Variants in CYP4F8 observed in about 807,000 individuals in gnomAD.
The protein encoded by CYP4F8 is cytochrome P450 family 4 subfamily F member 8, also known as cytochrome P450 4F8.
In CYP4F8, 56 loss-of-function variants were observed where a neutral mutation model predicts 55.0. The ratio of observed to expected loss-of-function variants is 1.02; its 90% confidence interval spans 0.82 to 1.27. CYP4F8 has a LOEUF of 1.27. Ranked by LOEUF, CYP4F8 falls within the 50% of genes most tolerant of loss-of-function variation. The pLI is 0.00. For missense variants in CYP4F8, 680 were observed against 682.4 expected (o/e 1.00, Z 0.04); for synonymous variants, 288 against 267.3 (o/e 1.08, Z -0.76).
Position 15,623,122 on chromosome 19 carries a change from T to C in CYP4F8, c.665T>C (p.Ile222Thr). ...CCCTGCAGGAAGCCCAGTGAATATA[T>C]TACTGCGATCATGGAGCTCAGTGCC... ...SNCQEKPSEY[I>T]TAIMELSALV... Residue 222 changes from isoleucine to threonine, a missense_variant, in exon 7 of 13, where the codon ATT becomes ACT. Physicochemically the swap from Ile to Thr is moderately conservative, Grantham distance 89 (BLOSUM62 -1). Coordinates refer to ENST00000612078, the MANE Select transcript of CYP4F8 (RefSeq NM_007253.4). 6.2e-7 allele frequency: 1 copy of C among 1,614,030 alleles called. No homozygotes were observed. The highest frequency in any genetic ancestry group is 8.5e-7 in the Non-Finnish European group (1 of 1,179,970).
intron 3 of CYP4F8, chr19:15,619,126 A>G (rs1972160689): frequency 4.7e-6 from 1 of 211,960 alleles, no homozygotes. Context: ...GCACAACTGG[A>G]TCCAGGTCTC....
intron 6 of CYP4F8, 90 bp downstream of exon 6, chr19:15,622,430 C>T (rs1568383446): frequency 4.5e-6 from 7 of 1,543,992 alleles, no homozygotes; most frequent in African/African-American, 1.4e-5. Context: ...GAAGAGCCTT[C>T]CTGGAGAGAT....
At position 15,619,766 on chromosome 19, in the gene CYP4F8, A is replaced by C. The variant is rs768755459; in HGVS notation, c.525+4A>C. 7.4e-6 allele frequency: 12 copies of C among 1,613,854 alleles called. No homozygotes were observed. Among genetic ancestry groups the C allele is most frequent in the Non-Finnish European group, 1.0e-5 (12 of 1,179,826 alleles). On this transcript the variant is annotated splice_donor_region_variant and intron_variant, in intron 5 of 12. Coordinates refer to ENST00000612078, the MANE Select transcript of CYP4F8 (RefSeq NM_007253.4). Reference sequence around the variant, plus strand: ...CAAGAGTGCAAACATCATGCATGTGAGTGCCTTGAACTCAGCATCCCAGCT... The same window carrying C: ...CAAGAGTGCAAACATCATGCATGTGCGTGCCTTGAACTCAGCATCCCAGCT...
At chr19:15,616,189 T>C (rs1972118081) in intron 2 of CYP4F8, among the ~76,000 whole-genome samples, 1 of 144,036 alleles carries the variant, frequency 6.9e-6, no homozygotes, top group African/African-American at 2.7e-5. Context: ...CTCATTCCTC[T>C]CCTCACTCAC....
At chr19:15,619,142 A>G in intron 3 of CYP4F8, 1 of 233,568 alleles carries the variant, frequency 4.3e-6, no homozygotes, top group Admixed American at 5.1e-5. Flanking sequence ...GTCTCACCTA[A>G]TATCATCAGA....
chr19:15,618,855 G>A (rs1972156966), intron 3 of CYP4F8: 1 of 174,496 alleles, frequency 5.7e-6, no homozygotes, highest in Admixed American at 5.4e-5. Flanking sequence ...TCCAATAGGA[G>A]ACACCACCCC....
chr19:15,623,690 T>C lies in CYP4F8; in HGVS notation c.919-9T>C. On this transcript the variant is annotated splice_polypyrimidine_tract_variant and intron_variant, in intron 7 of 12. Transcript: ENST00000612078. ...CCAGAACTAGTGTGATTGGGGTTCT[T>C]GTCTCCAGGATAAAAATGGTAAAGA... The C allele has an allele frequency of 6.2e-7, 1 of 1,614,108 alleles. No individual in the cohort carries two copies. Among genetic ancestry groups the C allele is most frequent in the Non-Finnish European group, 8.5e-7 (1 of 1,179,976 alleles).
intron 3 of CYP4F8, chr19:15,618,530 G>C (rs1312878916): frequency 1.4e-5 from 5 of 358,592 alleles, no homozygotes; most frequent in Admixed American, 3.9e-5. Context: ...ACTGGGGCAG[G>C]CTGGAAGGCT....
At chr19:15,621,970 G>A (rs1308520506) in intron 5 of CYP4F8, 2 of 400,352 alleles carry the variant, frequency 5.0e-6, no homozygotes, top group Non-Finnish European at 8.9e-6. Flanking sequence ...CCTAGAGGAG[G>A]GCTGTGAGTT....
chr19:15,618,443 A>T lies in CYP4F8; in HGVS notation c.343+299A>T, dbSNP rs1299679071. On this transcript the variant is annotated intron_variant, in intron 3 of 12. Transcript: ENST00000612078. ...CTTGAAGAGATGGAGCAGTACAGAG[A>T]CATCCCCAACTTCATGGGGTTCAGA... The T allele has an allele frequency of 1.5e-5, 7 of 476,044 alleles. No individual in the cohort carries two copies. The Admixed American group carries it at 2.1e-4, about 14-fold the overall frequency. 29.5% of individuals were successfully genotyped at this position (476,044 alleles called of 1,614,324 possible).
chr19:15,618,237 C>T (rs1334677877), intron 3 of CYP4F8, 93 bp downstream of exon 3: 1 of 1,578,568 alleles, frequency 6.3e-7, no homozygotes, highest in Non-Finnish European at 8.7e-7. Context: ...TCTTGTAGTA[C>T]TCAGCCCCTT....
Position 15,619,715 on chromosome 19 carries a change from C to A in CYP4F8, c.478C>A (p.Leu160Met). The A allele has an allele frequency of 6.2e-7, 1 of 1,614,246 alleles. No homozygotes were observed. Among genetic ancestry groups the A allele is most frequent in the Non-Finnish European group, 8.5e-7 (1 of 1,180,038 alleles). Residue 160 changes from leucine (L) to methionine (M), a missense_variant, in exon 5 of 13, where the codon CTG becomes ATG. Transcript: ENST00000612078. ...GACGCCTGCCTTCCATTTCAACATCCTGAAGCCCTATATAAAGATTTTCAG... is the reference window on the plus strand; with the variant it reads ...GACGCCTGCCTTCCATTTCAACATCATGAAGCCCTATATAAAGATTTTCAG... Reference protein sequence around the residue: ...LLTPAFHFNILKPYIKIFSKS... With the variant: ...LLTPAFHFNIMKPYIKIFSKS...
Position 15,629,601 on chromosome 19 carries a change from T to G in CYP4F8, c.*243T>G. On this transcript the variant is annotated 3_prime_UTR_variant, in exon 13 of 13. Transcript: ENST00000612078. ...CAGGAGCCCCGTGCTGAGGGTGGGA[T>G]CTCCCAGAGTCTAAGTAAAGACTTT... 2 of 460,182 alleles carry G rather than the reference T, an allele frequency of 4.3e-6. No individual in the cohort carries two copies. Among genetic ancestry groups the G allele is most frequent in the Non-Finnish European group, 7.5e-6 (2 of 266,484 alleles). The allele number at this position is 460,182 out of a possible 1,614,324, so 28.5% of individuals were successfully genotyped here.
chr19:15,617,941 G>T, intron 2 of CYP4F8, 59 bp from the exon 3 acceptor site: 1 of 1,576,768 alleles, frequency 6.3e-7, no homozygotes, highest in Non-Finnish European at 8.6e-7. Context: ...TGGATATCTG[G>T]GCATCCCTTA....
In CYP4F8 at chr19:15,615,793, G is replaced by A. The variant is rs770289971; in HGVS notation, c.177G>A (p.Trp59Ter). 2 of 1,613,068 alleles carry A rather than the reference G, an allele frequency of 1.2e-6. No homozygotes were observed. Among genetic ancestry groups the A allele is most frequent in the Non-Finnish European group, 1.7e-6 (2 of 1,179,402 alleles). The part of the protein sequence containing the change: ...RCFPQPRKQN[W>*]FLGHLGLVTP... ...TCCCGCAGCCCCGGAAACAGAACTG[G>A]TTCTTGGGTCACCTGGGCCTGGTGA... Residue 59 changes from tryptophan (W) to a stop codon, truncating the protein, a stop_gained, in exon 2 of 13, where the codon TGG becomes TGA. Transcript: ENST00000612078. LOFTEE classifies it high-confidence loss of function.
Position 15,623,353 on chromosome 19 carries a change from T to C in CYP4F8, c.896T>C (p.Ile299Thr), listed in dbSNP as rs755710699. 1.2e-6 allele frequency: 2 copies of C among 1,614,000 alleles called. No homozygotes were observed. The highest frequency in any genetic ancestry group is 4.5e-5 in the East Asian group (2 of 44,854). The change falls in exon 7 of 13, where the codon ATT (isoleucine) becomes ACT (threonine). Residue 299 changes from isoleucine (I) to threonine (T), a missense_variant. Transcript: ENST00000612078. Reference protein sequence around the residue: ...AKAKSKTLDFIDVLLLSEDKN... With the variant: ...AKAKSKTLDFTDVLLLSEDKN... Reference sequence around the variant, plus strand: ...GCCAAGTCCAAGACTTTGGACTTTATTGATGTGCTCCTGCTGAGCGAGGTG... The same window carrying C: ...GCCAAGTCCAAGACTTTGGACTTTACTGATGTGCTCCTGCTGAGCGAGGTG...
chr19:15,623,224 T>C lies in CYP4F8; in HGVS notation c.767T>C (p.Phe256Ser). Residue 256 changes from phenylalanine to serine, a missense_variant, in exon 7 of 13, where the codon TTC becomes TCC. Physicochemically the swap from Phe to Ser is radical, Grantham distance 155. Transcript: ENST00000612078. Reference protein sequence around the residue: ...LYFLTPCGRRFHRACRLVHDF... With the variant: ...LYFLTPCGRRSHRACRLVHDF... ...TTCCTCACTCCCTGTGGACGGCGCT[T>C]CCACAGGGCCTGCAGACTGGTGCAC... 2 of 1,614,006 alleles carry C rather than the reference T, an allele frequency of 1.2e-6. No individual in the cohort carries two copies. The highest frequency in any genetic ancestry group is 2.2e-5 in the East Asian group (1 of 44,850).
At chr19:15,618,588 A>T (rs1014044357) in intron 3 of CYP4F8, 8 of 298,280 alleles carry the variant, frequency 2.7e-5, no homozygotes, top group African/African-American at 1.3e-4. Flanking sequence ...ATGAGTGATA[A>T]TTTTTTTTTT....
intron 5 of CYP4F8, among the ~76,000 whole-genome samples, chr19:15,620,383 C>T (rs991177793): frequency 2.0e-5 from 3 of 152,070 alleles, no homozygotes; most frequent in Non-Finnish European, 2.9e-5. Context: ...GGATACAATG[C>T]TTCTCACTAG....
Sources: allele counts gnomAD v4.1 joint callset (sites outside exome capture counted in the v4.1 genomes callset), GRCh38; gene constraint gnomAD v4.1.1; transcripts MANE v1.5; gene names NCBI Gene and HGNC (gene_info 2026-07-23, HGNC 2026-07-21).